Variants in ATL1 observed in about 807,000 individuals in gnomAD.
The protein encoded by ATL1 is atlastin-1.
Under a neutral mutation model 75.5 loss-of-function variants are expected in ATL1, and 31 were observed. That is an observed-to-expected ratio of 0.41 (90% CI 0.31 to 0.55). The LOEUF (loss-of-function observed/expected upper bound fraction) is 0.55. Among genes scored for constraint, ATL1 ranks in the 20% least tolerant of loss-of-function variants. The probability of loss-of-function intolerance (pLI) is 0.27; values close to 1 mark genes in which losing one functional copy is unlikely to be tolerated. For missense variants in ATL1, 405 were observed against 662.6 expected (o/e 0.61, Z 4.27); for synonymous variants, 226 against 233.3 (o/e 0.97, Z 0.28).
In ATL1 at chr14:50,620,806, G is replaced by A. The variant is rs144720321; in HGVS notation, c.990+80G>A. On this transcript the variant is annotated intron_variant, in intron 9 of 13. Transcript: ENST00000358385. ...GTAATTCCTATAAACAAAAATTATA[G>A]ACCCGATAATATGGGAGCAAAGGTA... The A allele has an allele frequency of 1.6e-3, 2,426 of 1,518,258 alleles. 26 individuals carry two copies. Among genetic ancestry groups the A allele is most frequent in the South Asian group, 0.014 (1,210 of 87,826 alleles). 94.0% of individuals were successfully genotyped at this position (1,518,258 alleles called of 1,614,324 possible). A position where few individuals can be genotyped will look rare whatever the true frequency, so the allele number is the denominator to read the frequency against.
Position 50,560,272 on chromosome 14 carries a change from A to C in ATL1, c.7A>C (p.Lys3Gln). The change falls in exon 1 of 14, where the codon AAG becomes CAG. Residue 3 changes from lysine (K) to glutamine (Q), a missense_variant. By Grantham distance (53) the Lys-to-Gln change is moderately conservative (BLOSUM62 1). Around this residue, in one of 5 missense-constraint regions of ATL1, gnomAD observed 126 missense variants for 172.0 expected, o/e 0.73. Coordinates refer to ENST00000358385, the MANE Select transcript of ATL1 (RefSeq NM_015915.5). The part of the protein sequence containing the change: MA[K>Q]NRRDRNSWGG... ...CACCAGCTCCTGGACCACCATGGCC[A>C]AGAACCGCAGGGACAGAAACAGTTG... 1 of 1,614,026 alleles carries C rather than the reference A, an allele frequency of 6.2e-7. No homozygotes were observed. Among genetic ancestry groups the C allele is most frequent in the Non-Finnish European group, 8.5e-7 (1 of 1,179,908 alleles).
intron 10 of ATL1, 62 bp downstream of exon 10, chr14:50,621,961 C>G: frequency 9.2e-7 from 1 of 1,084,588 alleles, no homozygotes; most frequent in Non-Finnish European, 1.4e-6. Context: ...TTCTGGCTGT[C>G]AGAAATAACC....
Position 50,623,248 on chromosome 14 carries a change from G to C in ATL1, c.1119G>C (p.Glu373Asp), listed in dbSNP as rs2039485066. Reference protein sequence around the residue: ...AKDTYNKKMEEICGGDKPFLA... With the variant: ...AKDTYNKKMEDICGGDKPFLA... The stretch of plus-strand genomic sequence containing the variant: ...ACACATACAACAAAAAAATGGAAGA[G>C]GTAAGAGTTAAATATTTTAAATTCT... Residue 373 changes from glutamate (E) to aspartate (D), a missense_variant and splice_region_variant, in exon 11 of 14, where the codon GAG becomes GAC. Physicochemically the swap from Glu to Asp is conservative, Grantham distance 45. Coordinates refer to ENST00000358385, the MANE Select transcript of ATL1 (RefSeq NM_015915.5). The C allele has an allele frequency of 6.2e-7, 1 of 1,612,172 alleles. No individual in the cohort carries two copies. The highest frequency in any genetic ancestry group is 8.5e-7 in the Non-Finnish European group (1 of 1,178,466).
chr14:50,625,565 C>G (rs1566734787), intron 11 of ATL1, among the ~76,000 whole-genome samples: 1 of 152,174 alleles, frequency 6.6e-6, no homozygotes, highest in African/African-American at 2.4e-5. Flanking sequence ...TTTCTTGTAG[C>G]TGGTGACTTT....
intron 6 of ATL1, among the ~76,000 whole-genome samples, chr14:50,595,899 T>A (rs1354953778): frequency 6.6e-6 from 1 of 151,854 alleles, no homozygotes; most frequent in Non-Finnish European, 1.5e-5. Flanking sequence ...TTTTTTTTCC[T>A]GAACTCAAAG....
At chr14:50,554,621 A>C (rs1014691571) in intron 1 of ATL1, among the ~76,000 whole-genome samples, 1 of 152,196 alleles carries the variant, frequency 6.6e-6, no homozygotes, top group Admixed American at 6.5e-5. Flanking sequence ...TGAGAACCCA[A>C]ATATCTCAGA....
chr14:50,587,091 C>T (rs2039108967), intron 1 of ATL1, among the ~76,000 whole-genome samples: 1 of 151,900 alleles, frequency 6.6e-6, no homozygotes, highest in Non-Finnish European at 1.5e-5. Flanking sequence ...GATTCTGAGC[C>T]CTTCTAGGTA....
intron 6 of ATL1, among the ~76,000 whole-genome samples, chr14:50,597,936 C>A (rs1445980109): frequency 6.6e-6 from 1 of 152,032 alleles, no homozygotes; most frequent in Non-Finnish European, 1.5e-5. Flanking sequence ...ACCTCATGAT[C>A]CATCCGTCTC....
intron 6 of ATL1, among the ~76,000 whole-genome samples, chr14:50,596,260 A>G (rs1327020442): frequency 6.6e-6 from 1 of 152,102 alleles, no homozygotes; most frequent in Non-Finnish European, 1.5e-5. Context: ...CTTGACCCCA[A>G]GAGTTTGAGT....
At chr14:50,587,269 C>G (rs1294330428) in intron 1 of ATL1, among the ~76,000 whole-genome samples, 1 of 152,196 alleles carries the variant, frequency 6.6e-6, no homozygotes, top group African/African-American at 2.4e-5. Flanking sequence ...ACAGAGACAT[C>G]TGCACTGACT....
chr14:50,589,822 G>A (rs769061679), intron 2 of ATL1, among the ~76,000 whole-genome samples: 2 of 152,150 alleles, frequency 1.3e-5, no homozygotes, highest in Non-Finnish European at 2.9e-5. Context: ...CTTTAAATTA[G>A]TTTATGTAGA....
intron 1 of ATL1, among the ~76,000 whole-genome samples, chr14:50,554,572 A>G (rs899208516): frequency 3.3e-5 from 5 of 152,232 alleles, no homozygotes; most frequent in African/African-American, 1.2e-4. Context: ...CGGGGCAGTG[A>G]GCCAAGACCA....
chr14:50,593,158 A>C (rs1235481222), intron 4 of ATL1, among the ~76,000 whole-genome samples: 1 of 151,886 alleles, frequency 6.6e-6, no homozygotes, highest in African/African-American at 2.4e-5. Context: ...CTCATTATTT[A>C]TATTTGACCT....
At chr14:50,608,127 G>A (rs998647109) in intron 6 of ATL1, among the ~76,000 whole-genome samples, 3 of 152,048 alleles carry the variant, frequency 2.0e-5, no homozygotes, top group Non-Finnish European at 4.4e-5. Context: ...AAAAGTGTTT[G>A]TGGCTTCATA....
intron 4 of ATL1, among the ~76,000 whole-genome samples, chr14:50,593,623 GT>G (rs2039184444): frequency 6.6e-6 from 1 of 152,100 alleles, no homozygotes; most frequent in Non-Finnish European, 1.5e-5. Context: ...TCCAGAGCAG[GT>G]GACTACTGTA....
At chr14:50,591,671 T>C in intron 4 of ATL1, 32 bp downstream of exon 4, 1 of 1,485,252 alleles carries the variant, frequency 6.7e-7, no homozygotes, top group Non-Finnish European at 9.4e-7. Context: ...ATGATGTTTC[T>C]TTAACTAAAA....
intron 1 of ATL1, among the ~76,000 whole-genome samples, chr14:50,552,293 T>G (rs1448862315): frequency 6.6e-6 from 1 of 152,054 alleles, no homozygotes; most frequent in Non-Finnish European, 1.5e-5. Context: ...AATAAAATAC[T>G]TAGGAATATG....
At chr14:50,624,880 G>C (rs2140236203) in intron 11 of ATL1, among the ~76,000 whole-genome samples, 1 of 152,032 alleles carries the variant, frequency 6.6e-6, no homozygotes, top group African/African-American at 2.4e-5. Context: ...GACCAGCCTG[G>C]CCAACATGGT....
chr14:50,596,053 T>C (rs2039213686), intron 6 of ATL1, among the ~76,000 whole-genome samples: 1 of 152,224 alleles, frequency 6.6e-6, no homozygotes, highest in Admixed American at 6.5e-5. Flanking sequence ...TGGAAAAAGA[T>C]AGATCAGGCA....
Sources: gnomAD v4.1 joint callset for allele counts (sites outside exome capture counted in the v4.1 genomes callset) on GRCh38, gnomAD v4.1.1 for gene constraint, gnomAD v4.1.1 regional missense constraint, MANE v1.5 for transcripts, NCBI Gene and HGNC (gene_info 2026-07-23, HGNC 2026-07-21) for gene names.